The following NTM variants were observed in gnomAD, a reference collection of about 807,000 sequenced individuals.
NTM encodes the protein IgLON family member 2.
A neutral mutation model predicts 42.1 loss-of-function variants in NTM; 13 were observed. That is an observed-to-expected ratio of 0.31 (90% confidence interval 0.20 to 0.49). The LOEUF (loss-of-function observed/expected upper bound fraction) is 0.49, where lower values mean the gene tolerates loss of function less well. Among genes scored for constraint, NTM ranks in the 20% least tolerant of loss-of-function variants. NTM has a pLI of 0.99. For missense variants in NTM, 373 were observed against 452.8 expected, an observed-to-expected ratio of 0.82 and a Z score of 1.60; for synonymous variants, 187 against 179.2, an observed-to-expected ratio of 1.04 and a Z score of -0.35.
chr11:132,021,172 G>A (rs1299942993), intron 2 of NTM, among the ~76,000 whole-genome samples: 1 of 152,006 alleles, frequency 6.6e-6, no homozygotes, highest in Non-Finnish European at 1.5e-5. Context: ...CCTCCAGTGA[G>A]ATTTTAATTT....
rs75464974 is a variant in NTM at position 131,835,579 on chromosome 11, C to A, written c.83-75985C>A. On this transcript the variant is annotated intron_variant, in intron 1 of 8. Coordinates refer to ENST00000683400, the MANE Select transcript of NTM (RefSeq NM_001352005.2). ...TCAGAATGGGTAACATTAAAAAAAA[C>A]TGGCAATACTAAGTGCTGGTGAAGA... Among the ~76,000 whole-genome samples, 257 of 152,104 alleles carry A rather than the reference C, an allele frequency of 1.7e-3. 1 individual carries two copies. Among genetic ancestry groups the A allele is most frequent in the African/African-American group, 5.8e-3 (242 of 41,516 alleles).
intron 4 of NTM, among the ~76,000 whole-genome samples, chr11:132,306,827 C>T (rs2095102852): frequency 6.6e-6 from 1 of 152,162 alleles, no homozygotes; most frequent in Admixed American, 6.5e-5. Context: ...GCTCAGGTGC[C>T]TCTGGGAGAG....
intron 4 of NTM, among the ~76,000 whole-genome samples, chr11:132,295,294 G>C (rs1286896151): frequency 1.5e-4 from 23 of 152,098 alleles, no homozygotes; most frequent in Admixed American, 1.5e-3. Context: ...TGATAGGCTA[G>C]AACAGCCATC....
intron 1 of NTM, among the ~76,000 whole-genome samples, chr11:131,672,388 T>C (rs2134657558): frequency 6.6e-6 from 1 of 152,306 alleles, no homozygotes; most frequent in Middle Eastern, 3.4e-3. Flanking sequence ...CCGAGGACAC[T>C]GGGCCTGCTT....
intron 1 of NTM, among the ~76,000 whole-genome samples, chr11:131,739,653 C>A (rs1469421265): frequency 2.0e-5 from 3 of 152,176 alleles, no homozygotes; most frequent in African/African-American, 7.2e-5. Context: ...AGCAACCTAC[C>A]TATTTACTTC....
At chr11:131,477,859 T>G (rs1434209027) in intron 1 of NTM, among the ~76,000 whole-genome samples, 1 of 151,320 alleles carries the variant, frequency 6.6e-6, no homozygotes, top group East Asian at 1.9e-4. Flanking sequence ...CTAGATTTCT[T>G]CCCTATCCTT....
chr11:131,604,709 T>C (rs1208542816), intron 1 of NTM, among the ~76,000 whole-genome samples: 3 of 145,742 alleles, frequency 2.1e-5, no homozygotes, highest in Non-Finnish European at 3.0e-5. Flanking sequence ...GGTCTTTTTT[T>C]CTTTCCTTTT....
intron 2 of NTM, among the ~76,000 whole-genome samples, chr11:131,947,482 G>T (rs1419239888): frequency 6.6e-6 from 1 of 152,148 alleles, no homozygotes. Context: ...AGCACCTACA[G>T]AGAACCAGGC....
At position 131,598,847 on chromosome 11, in the gene NTM, T is replaced by TCC. The variant is rs1565686528; in HGVS notation, c.82+227959_82+227960insCC. 2.4e-3 allele frequency among the ~76,000 whole-genome samples: 97 copies of TCC among 40,622 alleles called. 11 individuals carry two copies. Among genetic ancestry groups the TCC allele is most frequent in the African/African-American group, 5.5e-3 (85 of 15,494 alleles). 26.6% of individuals were successfully genotyped at this position (40,622 alleles called of 152,430 possible). ...CTTTCTTCTTTCTTTCTTTCTTTCT[T>TCC]TCTTCCTTCCTTCCTTCCTTCCTTC... On this transcript the variant is annotated intron_variant, in intron 1 of 8. Transcript: ENST00000683400.
intron 2 of NTM, among the ~76,000 whole-genome samples, chr11:131,943,146 C>T (rs1363987689): frequency 6.6e-6 from 1 of 152,156 alleles, no homozygotes; most frequent in Admixed American, 6.5e-5. Context: ...CCCCTTTCCA[C>T]CATCTACTTG....
At chr11:132,248,952 C>G (rs759236105) in intron 4 of NTM, among the ~76,000 whole-genome samples, 2 of 152,166 alleles carry the variant, frequency 1.3e-5, no homozygotes, top group African/African-American at 2.4e-5. Context: ...AGGAAGGTGT[C>G]GGACACTGGT....
At chr11:131,670,971 G>A (rs1478884284) in intron 1 of NTM, among the ~76,000 whole-genome samples, 2 of 152,096 alleles carry the variant, frequency 1.3e-5, no homozygotes, top group African/African-American at 2.4e-5. Flanking sequence ...GAAAACAGAC[G>A]TCCTTCCCTC....
chr11:132,293,173 G>C (rs1290969339), intron 4 of NTM, among the ~76,000 whole-genome samples: 1 of 152,160 alleles, frequency 6.6e-6, no homozygotes, highest in Non-Finnish European at 1.5e-5. Flanking sequence ...TAACCAGGAA[G>C]TCAGTAGAGA....
chr11:131,498,326 C>T (rs1163169696), intron 1 of NTM, among the ~76,000 whole-genome samples: 1 of 152,168 alleles, frequency 6.6e-6, no homozygotes, highest in Non-Finnish European at 1.5e-5. Context: ...ACCCACCTTC[C>T]AGAGTGGCTG....
At chr11:131,743,362 A>G (rs908367286) in intron 1 of NTM, among the ~76,000 whole-genome samples, 2 of 151,738 alleles carry the variant, frequency 1.3e-5, no homozygotes, top group Non-Finnish European at 2.9e-5. Flanking sequence ...GTAGAAGCCT[A>G]TTGTGAAGTT....
chr11:131,735,781 A>C (rs1161600336), intron 1 of NTM, among the ~76,000 whole-genome samples: 1 of 151,972 alleles, frequency 6.6e-6, no homozygotes, highest in Admixed American at 6.6e-5. Flanking sequence ...TGGTGGAAAG[A>C]ACACAGGAGT....
intron 1 of NTM, among the ~76,000 whole-genome samples, chr11:131,412,025 T>C (rs988611194): frequency 6.6e-6 from 1 of 152,198 alleles, no homozygotes; most frequent in Non-Finnish European, 1.5e-5. Context: ...ACCCTTGTCT[T>C]GCAGACTGAG....
intron 1 of NTM, among the ~76,000 whole-genome samples, chr11:131,786,910 A>G (rs1184720126): frequency 6.6e-6 from 1 of 152,232 alleles, no homozygotes; most frequent in Non-Finnish European, 1.5e-5. Context: ...AACTTTAATT[A>G]TCATGTGTTT....
At chr11:131,419,934 G>A (rs1003338187) in intron 1 of NTM, among the ~76,000 whole-genome samples, 2 of 152,166 alleles carry the variant, frequency 1.3e-5, no homozygotes, top group African/African-American at 2.4e-5. Flanking sequence ...CACGAATGCT[G>A]TTGGAGGATT....
Sources: allele counts gnomAD v4.1 joint callset (sites outside exome capture counted in the v4.1 genomes callset), GRCh38; gene constraint gnomAD v4.1.1; transcripts MANE v1.5; gene names NCBI Gene and HGNC (gene_info 2026-07-23, HGNC 2026-07-21).